The following STEAP4 variants were observed in gnomAD, a reference collection of about 807,000 sequenced individuals.
STEAP4 encodes metalloreductase STEAP4.
A neutral mutation model predicts 43.6 loss-of-function variants in STEAP4; 36 were observed. That is an observed-to-expected ratio of 0.83 (90% CI 0.63 to 1.09). The LOEUF is 1.09. Among genes scored for constraint, STEAP4 ranks in the 50% least tolerant of loss-of-function variants. STEAP4 has a pLI of 0.00. For synonymous variants in STEAP4, 191 were observed against 196.7 expected (o/e 0.97, Z 0.24); for missense variants, 495 against 546.5 (o/e 0.91, Z 0.94).
Position 88,279,346 on chromosome 7 carries a change from C to T in STEAP4, c.*52G>A. On this transcript the variant is annotated 3_prime_UTR_variant, in exon 5 of 5. Transcript: ENST00000380079. ...ACATTCAAAACCATAGTTCAGAAAT[C>T]CAGCTAAATTGAACTTTGTTTTAAA... 6.4e-7 allele frequency: 1 copy of T among 1,550,664 alleles called. No homozygotes were observed. Among genetic ancestry groups the T allele is most frequent in the Non-Finnish European group, 8.9e-7 (1 of 1,126,764 alleles).
chr7:88,301,894 C>T (rs763351406), intron 1 of STEAP4, among the ~76,000 whole-genome samples: 3 of 152,038 alleles, frequency 2.0e-5, no homozygotes, highest in Admixed American at 2.0e-4. Context: ...CTCTTTAAAA[C>T]GAATTAGAAT....
In STEAP4 at chr7:88,279,589, G is replaced by A; in HGVS notation, c.1189C>T (p.His397Tyr). Residue 397 changes from histidine to tyrosine, a missense_variant, in exon 5 of 5, where the codon CAC (histidine) becomes TAC (tyrosine). Transcript: ENST00000380079. ...CTCTTCCCACCGTACACCAGGGTGT[G>A]GGCTGTACACAAGATCAGGGTCAAA... The part of the protein sequence containing the change: ...GYLTLILCTA[H>Y]TLVYGGKRFL... 6.2e-7 allele frequency: 1 copy of A among 1,613,780 alleles called. No individual in the cohort carries two copies. Among genetic ancestry groups the A allele is most frequent in the Non-Finnish European group, 8.5e-7 (1 of 1,179,898 alleles).
chr7:88,282,961 CT>C lies in STEAP4; in HGVS notation c.663del (p.Asp222ThrfsTer2), dbSNP rs765383494. ...CVFLFFYCVI[R>X]DVIYPYVYEK... is the part of the protein sequence containing the mutation. Reference sequence around the variant, plus strand: ...TCATAAACATAAGGGTAGATTACGTCTCTTATAACACAATAGAAAAACAAGA... The same window carrying C: ...TCATAAACATAAGGGTAGATTACGTCCTTATAACACAATAGAAAAACAAGA... On this transcript the variant is annotated frameshift_variant, in exon 3 of 5. Transcript: ENST00000380079. LOFTEE classifies it high-confidence loss of function. 1 of 1,613,658 alleles carries C rather than the reference CT, an allele frequency of 6.2e-7. No homozygotes were observed. Among genetic ancestry groups the C allele is most frequent in the East Asian group, 2.2e-5 (1 of 44,874 alleles).
chr7:88,284,143 A>G lies in STEAP4; in HGVS notation c.127T>C (p.Tyr43His), dbSNP rs41278776. The change falls in exon 2 of 5, where the codon TAT becomes CAT. Residue 43 changes from tyrosine to histidine, a missense_variant. Tyr to His is a moderately conservative substitution (Grantham distance 83, BLOSUM62 2). Coordinates refer to ENST00000380079, the MANE Select transcript of STEAP4 (RefSeq NM_024636.4). ...TTTCGACTTCCAAAAACAACAGAAT[A>G]ACCACACTGGAGCATTTTCAATCCC... Reference protein sequence around the residue: ...SLGLKMLQCGYSVVFGSRNPQ... With the variant: ...SLGLKMLQCGHSVVFGSRNPQ... 14 of 1,614,170 alleles carry G rather than the reference A, an allele frequency of 8.7e-6. No individual in the cohort carries two copies. The highest frequency in any genetic ancestry group is 1.1e-5 in the Non-Finnish European group (13 of 1,180,042).
At chr7:88,303,338 A>C (rs1299034138) in intron 1 of STEAP4, among the ~76,000 whole-genome samples, 1 of 151,778 alleles carries the variant, frequency 6.6e-6, no homozygotes, top group African/African-American at 2.4e-5. Flanking sequence ...TCTACTAAAC[A>C]TAAAAAAATT....
chr7:88,286,214 C>CA (rs953045980), intron 1 of STEAP4, among the ~76,000 whole-genome samples: 2 of 152,032 alleles, frequency 1.3e-5, no homozygotes, highest in African/African-American at 4.8e-5. Context: ...CTGTGGCACA[C>CA]AAAAATTCAA....
At chr7:88,302,527 G>A (rs1853052861) in intron 1 of STEAP4, among the ~76,000 whole-genome samples, 12 of 152,204 alleles carry the variant, frequency 7.9e-5, no homozygotes, top group Admixed American at 7.9e-4. Context: ...CCTGTAAAAA[G>A]AGCAGGTATA....
chr7:88,286,329 A>G (rs995703123), intron 1 of STEAP4, among the ~76,000 whole-genome samples: 2 of 152,258 alleles, frequency 1.3e-5, no homozygotes, highest in Non-Finnish European at 2.9e-5. Context: ...TTATATGAGT[A>G]TAACTCAAAG....
chr7:88,306,880 C>T lies in STEAP4; in HGVS notation c.-91G>A, dbSNP rs1270462982. ...CGGGTAGAGGGAAGTTTCGCCGCGC[C>T]TGCAGCTCAGCGCTGTGGCTTGTGG... is the stretch of plus-strand genomic sequence containing the variant. On this transcript the variant is annotated 5_prime_UTR_variant, in exon 1 of 5. Coordinates refer to ENST00000380079, the MANE Select transcript of STEAP4 (RefSeq NM_024636.4). 6.6e-6 allele frequency: 1 copy of T among 152,382 alleles called. No homozygotes were observed. Among genetic ancestry groups the T allele is most frequent in the Non-Finnish European group, 1.5e-5 (1 of 68,166 alleles). 9.4% of individuals were successfully genotyped at this position (152,382 alleles called of 1,614,324 possible).
At chr7:88,281,394 CT>C (rs963534603) in intron 3 of STEAP4, 1 of 195,190 alleles carries the variant, frequency 5.1e-6, no homozygotes, top group African/African-American at 2.3e-5. Context: ...CCAAGCAAAA[CT>C]TGATGTTCTC....
chr7:88,274,453 C>T lies in STEAP4; in HGVS notation c.*4945G>A, dbSNP rs1185335340. 6.6e-6 allele frequency: 1 copy of T among 152,222 alleles called. No homozygotes were observed. Among genetic ancestry groups the T allele is most frequent in the Non-Finnish European group, 1.5e-5 (1 of 68,094 alleles). The allele number at this position is 152,222 out of a possible 1,614,324, so 9.4% of individuals were successfully genotyped here. On this transcript the variant is annotated 3_prime_UTR_variant, in exon 5 of 5. Transcript: ENST00000380079. ...CCTCAATCCCTTCATCCTTCACCTC[C>T]CTCATATGGGTCTTATCCGAAACTT...
chr7:88,298,123 T>C (rs1042456638), intron 1 of STEAP4, among the ~76,000 whole-genome samples: 1 of 152,128 alleles, frequency 6.6e-6, no homozygotes, highest in Non-Finnish European at 1.5e-5. Flanking sequence ...GTTGAACCAT[T>C]AACTTACATA....
chr7:88,289,082 A>ATGTG (rs1852794179), intron 1 of STEAP4, among the ~76,000 whole-genome samples: 2 of 140,858 alleles, frequency 1.4e-5, no homozygotes, highest in African/African-American at 5.1e-5. Flanking sequence ...GTGTGTGTGT[A>ATGTG]TGTGTGTGTG....
chr7:88,303,199 A>C lies in STEAP4; in HGVS notation c.-3+3593T>G, dbSNP rs947789459. On this transcript the variant is annotated intron_variant, in intron 1 of 4. Coordinates refer to ENST00000380079, the MANE Select transcript of STEAP4 (RefSeq NM_024636.4). ...TAATCTGCATTAAAAAAAAAAAAAA[A>C]AAAAAAAAAACTCCAACCGGGCGCG... is the stretch of plus-strand genomic sequence containing the variant. Among the ~76,000 whole-genome samples, 28 of 145,156 alleles carry C rather than the reference A, an allele frequency of 1.9e-4. No individual in the cohort carries two copies. The East Asian group carries it at 2.5e-3, about 13-fold the overall frequency.
At position 88,278,261 on chromosome 7, in the gene STEAP4, A is replaced by C. The variant is rs1232871803; in HGVS notation, c.*1137T>G. 1 of 152,208 alleles carries C rather than the reference A, an allele frequency of 6.6e-6. No homozygotes were observed. Among genetic ancestry groups the C allele is most frequent in the Non-Finnish European group, 1.5e-5 (1 of 68,044 alleles). 9.4% of individuals were successfully genotyped at this position (152,208 alleles called of 1,614,324 possible). ...AACAGTGAGAACCATCCTAAATTTC[A>C]GCAAGGATTTGAGAAAGATCCAAAT... On this transcript the variant is annotated 3_prime_UTR_variant, in exon 5 of 5. Coordinates refer to ENST00000380079, the MANE Select transcript of STEAP4 (RefSeq NM_024636.4).
Position 88,284,133 on chromosome 7 carries a change from A to T in STEAP4, c.137T>A (p.Val46Asp), listed in dbSNP as rs751133705. ...CTTCTGGGGGTTTCGACTTCCAAAA[A>T]CAACAGAATAACCACACTGGAGCAT... ...LKMLQCGYSV[V>D]FGSRNPQKTT... The change falls in exon 2 of 5, where the codon GTT becomes GAT. Residue 46 changes from valine to aspartate, a missense_variant. Val to Asp is a radical substitution (Grantham distance 152, BLOSUM62 -3). Coordinates refer to ENST00000380079, the MANE Select transcript of STEAP4 (RefSeq NM_024636.4). 6.2e-7 allele frequency: 1 copy of T among 1,614,122 alleles called. No homozygotes were observed. Among genetic ancestry groups the T allele is most frequent in the Non-Finnish European group, 8.5e-7 (1 of 1,180,014 alleles).
rs1243997180 is a variant in STEAP4 at position 88,274,876 on chromosome 7, ATATAT to A, written c.*4517_*4521del. Reference sequence around the variant, plus strand: ...AGTGGGAGTGTATTTTAGGCTGCTAATATATTATAATTAGCATATAATGAACAGCT... The same window carrying A: ...AGTGGGAGTGTATTTTAGGCTGCTAATATAATTAGCATATAATGAACAGCT... On this transcript the variant is annotated 3_prime_UTR_variant, in exon 5 of 5. Coordinates refer to ENST00000380079, the MANE Select transcript of STEAP4 (RefSeq NM_024636.4). 1 of 152,152 alleles carries A rather than the reference ATATAT, an allele frequency of 6.6e-6. No homozygotes were observed. The highest frequency in any genetic ancestry group is 2.4e-5 in the African/African-American group (1 of 41,430). The allele number at this position is 152,152 out of a possible 1,614,324, so 9.4% of individuals were successfully genotyped here. A position where few individuals can be genotyped will look rare whatever the true frequency, so the allele number is the denominator to read the frequency against.
chr7:88,305,357 T>C (rs1320921592), intron 1 of STEAP4, among the ~76,000 whole-genome samples: 1 of 152,234 alleles, frequency 6.6e-6, no homozygotes, highest in African/African-American at 2.4e-5. Flanking sequence ...AAATCTCATA[T>C]TGTGCTAAAT....
In STEAP4 at chr7:88,302,827, G is replaced by A. The variant is rs1853058915; in HGVS notation, c.-3+3965C>T. On this transcript the variant is annotated intron_variant, in intron 1 of 4. Transcript: ENST00000380079. ...AAATTAGGTAGGCTTGGTGGTGCATGCCTTTAATTCTAGCTACTCAGGAGG... is the reference window on the plus strand; with the variant it reads ...AAATTAGGTAGGCTTGGTGGTGCATACCTTTAATTCTAGCTACTCAGGAGG... Among the ~76,000 whole-genome samples the A allele has an allele frequency of 3.3e-5, 5 of 151,792 alleles. No individual in the cohort carries two copies. The South Asian group carries it at 1.0e-3, about 32-fold the overall frequency.
Sources: gnomAD v4.1 joint callset for allele counts (sites outside exome capture counted in the v4.1 genomes callset) on GRCh38, gnomAD v4.1.1 for gene constraint, MANE v1.5 for transcripts, NCBI Gene and HGNC (gene_info 2026-07-23, HGNC 2026-07-21) for gene names.